Variants in CELF2 observed in about 807,000 individuals in gnomAD.
CELF2 encodes CUGBP Elav-like family member 2, also known as CUG triplet repeat RNA-binding protein 2.
Under a neutral mutation model 62.6 loss-of-function variants are expected in CELF2, and 8 were observed. The ratio of observed to expected loss-of-function variants is 0.13; its 90% confidence interval spans 0.07 to 0.23. The LOEUF is 0.23. CELF2 is among the 10% of genes least tolerant of loss of function. The pLI, the probability that CELF2 is intolerant of heterozygous loss-of-function variation, is 1.00. For synonymous variants in CELF2, 258 were observed against 250.0 expected, an observed-to-expected ratio of 1.03 and a Z score of -0.30; for missense variants, 333 against 671.0, an observed-to-expected ratio of 0.50 and a Z score of 5.56.
chr10:10,633,325 A>G, the CELF2 span, among the ~76,000 whole-genome samples: 7 of 152,140 alleles, frequency 4.6e-5, no homozygotes, highest in East Asian at 1.9e-4. Context: ...TTATTTCCCT[A>G]TATTCTCATC....
the CELF2 span, among the ~76,000 whole-genome samples, chr10:10,640,141 G>C: frequency 1.3e-5 from 2 of 152,090 alleles, no homozygotes. Context: ...TATTCCTTAT[G>C]TCTTTAATTA....
At chr10:10,956,841 G>A (rs1244383690) in intron 2 of CELF2, among the ~76,000 whole-genome samples, 2 of 152,026 alleles carry the variant, frequency 1.3e-5, no homozygotes, top group Non-Finnish European at 2.9e-5. Context: ...GGCTGAGGCT[G>A]GAGGATCACT....
At chr10:10,644,914 T>A in the CELF2 span, among the ~76,000 whole-genome samples, 1 of 152,026 alleles carries the variant, frequency 6.6e-6, no homozygotes, top group African/African-American at 2.4e-5. Context: ...ATATTGAAAA[T>A]CTCAGTGACA....
intron 3 of CELF2, among the ~76,000 whole-genome samples, chr10:11,248,582 A>G (rs185095644): frequency 7.9e-5 from 12 of 152,292 alleles, no homozygotes; most frequent in Admixed American, 7.8e-4. Context: ...CCTAAGAAAA[A>G]CCTATGTGAC....
chr10:11,222,204 G>T (rs1262383535), intron 3 of CELF2, among the ~76,000 whole-genome samples: 3 of 152,148 alleles, frequency 2.0e-5, no homozygotes, highest in East Asian at 1.9e-4. Flanking sequence ...AATTTCATTT[G>T]CCCATTTTAA....
intron 1 of CELF2, among the ~76,000 whole-genome samples, chr10:10,809,762 A>C (rs1292449875): frequency 1.3e-5 from 2 of 152,192 alleles, no homozygotes; most frequent in African/African-American, 4.8e-5. Flanking sequence ...CTTGAACTGA[A>C]GTTTGTGAAA....
intron 1 of CELF2, among the ~76,000 whole-genome samples, chr10:11,144,919 A>C (rs2061992645): frequency 6.6e-6 from 1 of 151,692 alleles, no homozygotes; most frequent in African/African-American, 2.4e-5. Flanking sequence ...AAAAAAAAAA[A>C]AAAAGGCACC....
At chr10:10,528,225 C>G in the CELF2 span, among the ~76,000 whole-genome samples, 3 of 152,058 alleles carry the variant, frequency 2.0e-5, no homozygotes, top group African/African-American at 2.4e-5. Flanking sequence ...AGTAAATTCT[C>G]CAAGCTTTCT....
the CELF2 span, among the ~76,000 whole-genome samples, chr10:10,773,672 C>A: frequency 6.6e-6 from 1 of 152,174 alleles, no homozygotes; most frequent in East Asian, 1.9e-4. Flanking sequence ...TCTAAAAATG[C>A]AAATCCTTTA....
At chr10:10,705,305 G>A in the CELF2 span, among the ~76,000 whole-genome samples, 5 of 150,874 alleles carry the variant, frequency 3.3e-5, no homozygotes, top group African/African-American at 4.9e-5. Context: ...AACTCTGTGC[G>A]TGTGTGAGTC....
At chr10:10,733,618 G>GT in the CELF2 span, among the ~76,000 whole-genome samples, 2 of 151,910 alleles carry the variant, frequency 1.3e-5, no homozygotes, top group Admixed American at 6.6e-5. Flanking sequence ...GGCTTGGGGG[G>GT]GCCTCACAAT....
chr10:10,647,515 A>G, the CELF2 span, among the ~76,000 whole-genome samples: 3 of 152,218 alleles, frequency 2.0e-5, no homozygotes, highest in Non-Finnish European at 4.4e-5. Context: ...CTCTTGCTTA[A>G]TAAGGACTTA....
intron 1 of CELF2, among the ~76,000 whole-genome samples, chr10:11,076,633 A>C (rs2072034049): frequency 6.6e-6 from 1 of 152,206 alleles, no homozygotes; most frequent in African/African-American, 2.4e-5. Flanking sequence ...TTTTAAAAGA[A>C]TGCTGGCTCT....
intron 1 of CELF2, among the ~76,000 whole-genome samples, chr10:11,009,828 C>T (rs1327477911): frequency 6.6e-6 from 1 of 152,198 alleles, no homozygotes; most frequent in Non-Finnish European, 1.5e-5. Flanking sequence ...AAAGGAAGAG[C>T]TTGAGGTTTC....
chr10:10,700,434 A>G, the CELF2 span, among the ~76,000 whole-genome samples: 1 of 152,216 alleles, frequency 6.6e-6, no homozygotes, highest in Admixed American at 6.5e-5. Context: ...AGTTGACCAC[A>G]TTCTAGATAT....
At chr10:11,312,368 C>T (rs576488106) in intron 9 of CELF2, among the ~76,000 whole-genome samples, 86 of 152,048 alleles carry the variant, frequency 5.7e-4, no homozygotes, top group Non-Finnish European at 9.6e-4. Flanking sequence ...AATCAAAATA[C>T]GTGGTATGAA....
chr10:11,180,763 T>C (rs1483572513), intron 2 of CELF2, among the ~76,000 whole-genome samples: 1 of 152,180 alleles, frequency 6.6e-6, no homozygotes, highest in Non-Finnish European at 1.5e-5. Flanking sequence ...AATAATCCTG[T>C]GAGATTATAC....
chr10:11,275,738 G>C (rs186383351), intron 8 of CELF2, among the ~76,000 whole-genome samples: 3 of 152,310 alleles, frequency 2.0e-5, no homozygotes, highest in East Asian at 3.9e-4. Flanking sequence ...CTCGTTGAAG[G>C]ATTCCTTCTT....
chr10:10,645,596 G>A, the CELF2 span, among the ~76,000 whole-genome samples: 3 of 152,154 alleles, frequency 2.0e-5, no homozygotes, highest in Non-Finnish European at 4.4e-5. Context: ...CAAGGCTGCA[G>A]GGAGCCATCA....
Sources: allele counts gnomAD v4.1 joint callset (sites outside exome capture counted in the v4.1 genomes callset), GRCh38; gene constraint gnomAD v4.1.1; transcripts MANE v1.5; gene names NCBI Gene and HGNC (gene_info 2026-07-23, HGNC 2026-07-21).